Variants in CLIP4 observed in about 807,000 individuals in gnomAD.
The protein encoded by CLIP4 is CAP-Gly domain-containing linker protein 4.
CLIP4 carries 47 observed loss-of-function variants against 73.1 expected under a neutral mutation model. That is an observed-to-expected ratio of 0.64 (90% CI 0.51 to 0.82). The LOEUF (loss-of-function observed/expected upper bound fraction) is 0.82. Ranked by LOEUF, CLIP4 falls within the 40% of genes least tolerant of loss-of-function variation. CLIP4 has a pLI of 0.00. For missense variants in CLIP4, 874 were observed against 852.9 expected, an observed-to-expected ratio of 1.02 and a Z score of -0.31; for synonymous variants, 306 against 295.4, an observed-to-expected ratio of 1.04 and a Z score of -0.37.
At chr2:29,121,238 T>C (rs1446044508) in intron 1 of CLIP4, 136 bp from the exon 2 acceptor site, 1 of 878,196 alleles carries the variant, frequency 1.1e-6, no homozygotes, top group African/African-American at 1.7e-5. Flanking sequence ...AGGAATTTTT[T>C]CCCTTTCATA....
chr2:29,160,517 G>A (rs377684628), intron 12 of CLIP4, 50 bp downstream of exon 12: 1 of 1,584,782 alleles, frequency 6.3e-7, no homozygotes, highest in Non-Finnish European at 8.6e-7. Flanking sequence ...AGTACAAAAG[G>A]TTTAAAATTT....
chr2:29,129,631 AT>A (rs1022304821), intron 2 of CLIP4, among the ~76,000 whole-genome samples: 12 of 149,824 alleles, frequency 8.0e-5, no homozygotes, highest in African/African-American at 2.2e-4. Context: ...TTTAGTGAAG[AT>A]TTTTTTTTTA....
Position 29,133,823 on chromosome 2 carries a change from A to G in CLIP4, c.529+7A>G, listed in dbSNP as rs1304542144. On this transcript the variant is annotated splice_region_variant and intron_variant, in intron 5 of 15. Coordinates refer to ENST00000320081, the MANE Select transcript of CLIP4 (RefSeq NM_024692.6). ...AAAACATCGAAACCAAAAGGCAAGT[A>G]TTATAAGATCACCTTTAGATATTAT... The G allele has an allele frequency of 1.3e-6, 2 of 1,594,120 alleles. No individual in the cohort carries two copies. Among genetic ancestry groups the G allele is most frequent in the South Asian group, 2.3e-5 (2 of 87,394 alleles).
intron 14 of CLIP4, among the ~76,000 whole-genome samples, chr2:29,169,333 GTGTGTGTGTGTGTGTGT>G (rs1667851254): frequency 1.5e-4 from 6 of 38,902 alleles, no homozygotes; most frequent in Admixed American, 2.5e-4. Flanking sequence ...TTTTCACTGT[GTGTGTGTGTGTGTGTGT>G]GTGTGTGTGT....
intron 1 of CLIP4, among the ~76,000 whole-genome samples, chr2:29,116,702 A>G (rs539362010): frequency 1.3e-5 from 2 of 152,356 alleles, no homozygotes; most frequent in South Asian, 4.1e-4. Flanking sequence ...GCTTTCGTAA[A>G]TATGATGCAT....
In CLIP4 at chr2:29,125,787, A is replaced by G. The variant is rs532254565; in HGVS notation, c.133+4266A>G. ...CCCTCTGGTGTTGTGGTTGTTTCAGATGGAAGGGCGAATTTGGCCCTCATT... is the reference window on the plus strand; with the variant it reads ...CCCTCTGGTGTTGTGGTTGTTTCAGGTGGAAGGGCGAATTTGGCCCTCATT... On this transcript the variant is annotated intron_variant, in intron 2 of 15. Coordinates refer to ENST00000320081, the MANE Select transcript of CLIP4 (RefSeq NM_024692.6). 7.9e-5 allele frequency among the ~76,000 whole-genome samples: 12 copies of G among 152,238 alleles called. No homozygotes were observed. In the East Asian group the frequency reaches 2.3e-3, roughly 29 times the overall value.
At chr2:29,151,849 T>G (rs1422189021) in intron 8 of CLIP4, among the ~76,000 whole-genome samples, 3 of 152,170 alleles carry the variant, frequency 2.0e-5, no homozygotes, top group Non-Finnish European at 4.4e-5. Flanking sequence ...ATCTCTAATG[T>G]CGGTGCATAC....
chr2:29,166,530 G>C (rs199529562), intron 13 of CLIP4, among the ~76,000 whole-genome samples: 8 of 146,908 alleles, frequency 5.4e-5, no homozygotes, highest in Non-Finnish European at 1.1e-4. Flanking sequence ...TACACACACA[G>C]ACACACACAC....
chr2:29,130,533 T>C (rs1346138244), intron 2 of CLIP4: 2 of 645,910 alleles, frequency 3.1e-6, no homozygotes, highest in Non-Finnish European at 4.1e-6. Flanking sequence ...TTTTGGAGAA[T>C]AGGTCCTTAC....
intron 2 of CLIP4, 125 bp downstream of exon 2, chr2:29,121,646 C>G: frequency 8.8e-7 from 1 of 1,132,220 alleles, no homozygotes; most frequent in Non-Finnish European, 1.2e-6. Context: ...CTAAAGTTTT[C>G]CTTTTTCAAA....
Position 29,174,352 on chromosome 2 carries a change from A to C in CLIP4, c.1724-21A>C, listed in dbSNP as rs761567883. 68 of 1,594,136 alleles carry C rather than the reference A, an allele frequency of 4.3e-5. 1 individual carries two copies. The South Asian group carries it at 7.1e-4, about 17-fold the overall frequency. ...TGAAAGCTTATATTTTTCCTCTGCT[A>C]ACCCCAACTTTCATATTTAGGTTTT... On this transcript the variant is annotated intron_variant, in intron 14 of 15. Coordinates refer to ENST00000320081, the MANE Select transcript of CLIP4 (RefSeq NM_024692.6).
intron 6 of CLIP4, among the ~76,000 whole-genome samples, chr2:29,136,438 T>G (rs1309999351): frequency 2.0e-5 from 3 of 152,060 alleles, no homozygotes; most frequent in African/African-American, 7.2e-5. Flanking sequence ...TTTCTTCTCT[T>G]CCTCCCTCCC....
At chr2:29,162,429 C>T (rs73920716) in intron 12 of CLIP4, among the ~76,000 whole-genome samples, 3,521 of 152,122 alleles carry the variant, frequency 0.023, 126 homozygotes, top group African/African-American at 0.08. Context: ...TCAGTGCCAC[C>T]TTGGAAAGAA....
chr2:29,136,550 A>G (rs9967678), intron 6 of CLIP4, among the ~76,000 whole-genome samples: 13,632 of 152,084 alleles, frequency 0.09, 688 homozygotes, highest in Non-Finnish European at 0.098. Flanking sequence ...GGGAGGTGGG[A>G]CAGGGAAGCA....
At chr2:29,133,440 A>G (rs551580827) in intron 4 of CLIP4, among the ~76,000 whole-genome samples, 2 of 152,212 alleles carry the variant, frequency 1.3e-5, no homozygotes, top group African/African-American at 2.4e-5. Context: ...TATATTAACA[A>G]TAAGAGTGCA....
intron 14 of CLIP4, among the ~76,000 whole-genome samples, chr2:29,169,238 A>G (rs1667838179): frequency 6.6e-6 from 1 of 152,054 alleles, no homozygotes; most frequent in Admixed American, 6.6e-5. Flanking sequence ...GTCTGAGATC[A>G]AGGTGTTGGC....
chr2:29,153,755 T>TAAA (rs1227693018), intron 9 of CLIP4, among the ~76,000 whole-genome samples: 1 of 152,200 alleles, frequency 6.6e-6, no homozygotes, highest in Non-Finnish European at 1.5e-5. Flanking sequence ...GGCTGGCCTT[T>TAAA]ATATTCTGTT....
chr2:29,099,506 G>T (rs1284716603), intron 1 of CLIP4, among the ~76,000 whole-genome samples: 1 of 152,118 alleles, frequency 6.6e-6, no homozygotes, highest in Non-Finnish European at 1.5e-5. Flanking sequence ...GTTATCAGTG[G>T]ACTATATTTG....
In CLIP4 at chr2:29,145,437, TTAAA is replaced by T. The variant is rs558364633; in HGVS notation, c.1021+75_1021+78del. 1.6e-4 allele frequency: 211 copies of T among 1,330,652 alleles called. No individual in the cohort carries two copies. In the African/African-American group the frequency reaches 2.9e-3, roughly 18 times the overall value. 82.4% of individuals were successfully genotyped at this position (1,330,652 alleles called of 1,614,324 possible). A position where few individuals can be genotyped will look rare whatever the true frequency, so the allele number is the denominator to read the frequency against. On this transcript the variant is annotated intron_variant, in intron 8 of 15. Transcript: ENST00000320081. Reference sequence around the variant, plus strand: ...ATCAAGTTTTACTCTTTTACAGTTGTTAAATAAAACTTTTCTCCTGATTTCTTAT... The same window carrying T: ...ATCAAGTTTTACTCTTTTACAGTTGTTAAAACTTTTCTCCTGATTTCTTAT...
Sources: allele counts gnomAD v4.1 joint callset (sites outside exome capture counted in the v4.1 genomes callset), GRCh38; gene constraint gnomAD v4.1.1; transcripts MANE v1.5; gene names NCBI Gene and HGNC (gene_info 2026-07-23, HGNC 2026-07-21).